PCDHGA3: variants seen among roughly 807,000 people sequenced by gnomAD.
PCDHGA3 encodes the protein protocadherin gamma-A3.
In PCDHGA3, 40 loss-of-function variants were observed where a neutral mutation model predicts 58.5. That is an observed-to-expected ratio of 0.68 (90% confidence interval 0.53 to 0.89). The LOEUF (loss-of-function observed/expected upper bound fraction) is 0.89, where lower values mean the gene tolerates loss of function less well. PCDHGA3 is among the 40% of genes least tolerant of loss of function. The pLI is 0.00. For missense variants in PCDHGA3, 1,223 were observed against 1,195.9 expected (o/e 1.02, Z -0.33); for synonymous variants, 530 against 525.7 (o/e 1.01, Z -0.11).
At chr5:141,370,318 C>G (rs1295080631) in intron 1 of PCDHGA3, 15 of 1,325,178 alleles carry the variant, frequency 1.1e-5, no homozygotes, top group African/African-American at 1.5e-5. Flanking sequence ...AATAGTTGGT[C>G]CTGCTCGGAG....
At chr5:141,384,640 T>C (rs1780304566) in intron 1 of PCDHGA3, 1 of 1,613,956 alleles carries the variant, frequency 6.2e-7, no homozygotes, top group Admixed American at 1.7e-5. Context: ...GGCACCCCGC[T>C]CCGCAGAGCC....
chr5:141,419,981 A>C, intron 1 of PCDHGA3: 2 of 1,614,052 alleles, frequency 1.2e-6, no homozygotes, highest in Non-Finnish European at 1.7e-6. Context: ...CCTCGCGGTG[A>C]TTCTAGCTAT....
chr5:141,472,980 CA>C (rs60579131), intron 1 of PCDHGA3, among the ~76,000 whole-genome samples: 39,687 of 85,940 alleles, frequency 0.46, 5,633 homozygotes, highest in African/African-American at 0.56. Flanking sequence ...GAGTGAAACT[CA>C]AAAAAAAAAA....
chr5:141,487,040 C>T lies in PCDHGA3; in HGVS notation c.2425-7767C>T, dbSNP rs374574042. The T allele has an allele frequency of 3.7e-6, 6 of 1,614,136 alleles. No homozygotes were observed. Among genetic ancestry groups the T allele is most frequent in the South Asian group, 1.1e-5 (1 of 91,082 alleles). On this transcript the variant is annotated intron_variant, in intron 1 of 3. Transcript: ENST00000253812. This position sits in a 1 kb window ranked among gnomAD's most constrained non-coding sequence, Gnocchi z 5.0. Reference sequence around the variant, plus strand: ...AGATCCCAGCCTGTTTGCAGTCTCTCGATATGCTGGGGAGGTGCGGACGGC... The same window carrying T: ...AGATCCCAGCCTGTTTGCAGTCTCTTGATATGCTGGGGAGGTGCGGACGGC...
intron 1 of PCDHGA3, chr5:141,478,477 C>T: frequency 6.2e-7 from 1 of 1,613,796 alleles, no homozygotes; most frequent in Non-Finnish European, 8.5e-7. Flanking sequence ...GCCGCCAGAA[C>T]ACGCTGCGGA....
chr5:141,382,125 G>GC (rs1470370841), intron 1 of PCDHGA3, among the ~76,000 whole-genome samples: 4 of 151,872 alleles, frequency 2.6e-5, no homozygotes, highest in Non-Finnish European at 5.9e-5. Flanking sequence ...ACAGCACCTG[G>GC]CCCCCCCTCT....
Position 141,485,582 on chromosome 5 carries a change from C to G in PCDHGA3, c.2425-9225C>G. The G allele has an allele frequency of 6.2e-7, 1 of 1,612,374 alleles. No individual in the cohort carries two copies. Among genetic ancestry groups the G allele is most frequent in the South Asian group, 1.1e-5 (1 of 90,956 alleles). On this transcript the variant is annotated intron_variant, in intron 1 of 3. Transcript: ENST00000253812. The surrounding 1 kb of genome is among the most constrained non-coding windows in gnomAD (Gnocchi z 5.7). ...TCACGCCCCCCGTTTTCCGCGGCAG[C>G]AGCTGGACTTGGAAATTGGGGAGGC...
chr5:141,389,894 G>A (rs754241365), intron 1 of PCDHGA3: 56 of 1,613,970 alleles, frequency 3.5e-5, no homozygotes, highest in Non-Finnish European at 4.7e-5. Flanking sequence ...AGGAGGTGCT[G>A]CCGGATATCA....
Position 141,489,458 on chromosome 5 carries a change from G to T in PCDHGA3, c.2425-5349G>T, listed in dbSNP as rs143138320. 1 of 1,613,924 alleles carries T rather than the reference G, an allele frequency of 6.2e-7. No homozygotes were observed. Among genetic ancestry groups the T allele is most frequent in the Non-Finnish European group, 8.5e-7 (1 of 1,180,000 alleles). On this transcript the variant is annotated intron_variant, in intron 1 of 3. Coordinates refer to ENST00000253812, the MANE Select transcript of PCDHGA3 (RefSeq NM_018916.4). The surrounding 1 kb of genome is among the most constrained non-coding windows in gnomAD (Gnocchi z 4.5). ...CAATTGGGCTCTGAGGAGAATGGGC[G>T]CTATTTTTCCCTGAGCTTGATGAGT...
chr5:141,357,032 C>T (rs754361100), intron 1 of PCDHGA3: 2 of 1,614,066 alleles, frequency 1.2e-6, no homozygotes, highest in Admixed American at 1.7e-5. Flanking sequence ...CTACTCAAGT[C>T]CAGCGAGCCG....
intron 2 of PCDHGA3, among the ~76,000 whole-genome samples, chr5:141,500,806 T>C (rs2099802700): frequency 6.6e-6 from 1 of 152,240 alleles, no homozygotes; most frequent in Non-Finnish European, 1.5e-5. Context: ...AGTCCTCATA[T>C]GAATATACAT....
chr5:141,344,548 T>C lies in PCDHGA3; in HGVS notation c.515T>C (p.Leu172Pro). ...VGINSLQNYK[L>P]SPNDYFSLAV... ...ATTAACTCCCTGCAGAACTACAAGC[T>C]TAGCCCCAATGACTACTTCTCTCTG... Residue 172 changes from leucine (L) to proline (P), a missense_variant, in exon 1 of 4, where the codon CTT (leucine) becomes CCT (proline). By Grantham distance (98) the Leu-to-Pro change is moderately conservative (BLOSUM62 -3). Transcript: ENST00000253812. The C allele has an allele frequency of 6.2e-7, 1 of 1,614,034 alleles. No individual in the cohort carries two copies. The highest frequency in any genetic ancestry group is 8.5e-7 in the Non-Finnish European group (1 of 1,179,908).
At chr5:141,360,845 A>G in intron 1 of PCDHGA3, 2 of 1,614,014 alleles carry the variant, frequency 1.2e-6, no homozygotes, top group Non-Finnish European at 1.7e-6. Context: ...GATGCCAACG[A>G]TAACCCTCCA....
chr5:141,428,324 T>C, intron 1 of PCDHGA3: 1 of 642,806 alleles, frequency 1.6e-6, no homozygotes, highest in Non-Finnish European at 2.8e-6. Flanking sequence ...TTGGCCTTGA[T>C]TTCTATGCTC....
At chr5:141,376,549 TC>T in intron 1 of PCDHGA3, 1 of 1,612,110 alleles carries the variant, frequency 6.2e-7, no homozygotes, top group South Asian at 1.1e-5. Context: ...AATCTGATCT[TC>T]CCGCAACCCA....
intron 1 of PCDHGA3, among the ~76,000 whole-genome samples, chr5:141,435,375 A>G (rs80179854): frequency 0.034 from 5,131 of 152,264 alleles, 102 homozygotes; most frequent in Middle Eastern, 0.088. Flanking sequence ...TTAAATATAC[A>G]ATATACCGTA....
chr5:141,420,769 C>T (rs2096524721), intron 1 of PCDHGA3, among the ~76,000 whole-genome samples: 1 of 152,212 alleles, frequency 6.6e-6, no homozygotes, highest in Admixed American at 6.5e-5. Flanking sequence ...AAGTTTTCAG[C>T]TCCAGTAATA....
intron 1 of PCDHGA3, chr5:141,399,413 C>A (rs1456440098): frequency 1.2e-6 from 2 of 1,613,930 alleles, no homozygotes; most frequent in African/African-American, 1.3e-5. Context: ...CCGCCCCTCT[C>A]CTCCAGCATA....
intron 1 of PCDHGA3, chr5:141,389,880 T>C: frequency 6.2e-7 from 1 of 1,614,080 alleles, no homozygotes; most frequent in Non-Finnish European, 8.5e-7. Flanking sequence ...CGCCGACAGC[T>C]TGCAGGAGGT....
Sources: allele counts gnomAD v4.1 joint callset (sites outside exome capture counted in the v4.1 genomes callset), GRCh38; gene constraint gnomAD v4.1.1; non-coding constraint Gnocchi (gnomAD v3.1); transcripts MANE v1.5; gene names NCBI Gene and HGNC (gene_info 2026-07-23, HGNC 2026-07-21).